The following COBLL1 variants were observed in gnomAD, a reference collection of about 807,000 sequenced individuals.
COBLL1 encodes the protein cordon-bleu protein-like 1.
In COBLL1, 50 loss-of-function variants were observed where a neutral mutation model predicts 94.8. The observed-to-expected ratio is 0.53, with a 90% CI of 0.42 to 0.67. The LOEUF (loss-of-function observed/expected upper bound fraction) is 0.67, where lower values mean the gene tolerates loss of function less well. Ranked by LOEUF, COBLL1 falls within the 30% of genes least tolerant of loss-of-function variation. The probability of loss-of-function intolerance (pLI) is 0.00; values close to 1 mark genes in which losing one functional copy is unlikely to be tolerated. For synonymous variants in COBLL1, 448 were observed against 473.8 expected (o/e 0.95, Z 0.71); for missense variants, 1,362 against 1,348.7 (o/e 1.01, Z -0.15).
At chr2:164,737,232 C>T (rs564287906) in intron 3 of COBLL1, among the ~76,000 whole-genome samples, 79 of 151,760 alleles carry the variant, frequency 5.2e-4, no homozygotes, top group Admixed American at 1.5e-3. Context: ...AAGGTGTAGA[C>T]GCCAGGAAAG....
At chr2:164,832,222 T>G (rs773341899) in intron 2 of COBLL1, among the ~76,000 whole-genome samples, 108 of 152,338 alleles carry the variant, frequency 7.1e-4, no homozygotes, top group Non-Finnish European at 5.0e-4. Flanking sequence ...TTTGAGCATC[T>G]TAACTCTACT....
At chr2:164,675,562 T>TA (rs888137135), downstream of COBLL1, among the ~76,000 whole-genome samples, 4 of 152,118 alleles carry the variant, frequency 2.6e-5, no homozygotes, top group African/African-American at 9.7e-5. Flanking sequence ...AGATTTTTCT[T>TA]AAAAAATAAA....
intron 2 of COBLL1, among the ~76,000 whole-genome samples, chr2:164,782,407 T>C (rs1439572101): frequency 2.0e-5 from 3 of 152,186 alleles, no homozygotes; most frequent in Admixed American, 6.5e-5. Context: ...CATTATTTTA[T>C]ATCAACTGAG....
intron 1 of COBLL1, among the ~76,000 whole-genome samples, chr2:164,669,260 A>G (rs1691210953): frequency 6.6e-6 from 1 of 152,108 alleles, no homozygotes; most frequent in South Asian, 2.1e-4. Context: ...ATGAAATATT[A>G]TGCGGGAATA....
At chr2:164,705,657 C>A (rs1684550250) in intron 7 of COBLL1, among the ~76,000 whole-genome samples, 1 of 152,130 alleles carries the variant, frequency 6.6e-6, no homozygotes, top group Non-Finnish European at 1.5e-5. Flanking sequence ...TGCCTCCTGA[C>A]CAAATGCCAT....
intron 7 of COBLL1, among the ~76,000 whole-genome samples, chr2:164,716,789 A>T (rs1350066419): frequency 6.6e-6 from 1 of 152,196 alleles, no homozygotes; most frequent in Non-Finnish European, 1.5e-5. Flanking sequence ...AGCTCTAAAA[A>T]AACACCATCC....
In COBLL1 at chr2:164,729,003, C is replaced by T. The variant is rs537433478; in HGVS notation, c.433-806G>A. Among the ~76,000 whole-genome samples, 11 of 151,852 alleles carry T rather than the reference C, an allele frequency of 7.2e-5. No individual in the cohort carries two copies. The South Asian group carries it at 2.1e-3, about 29-fold the overall frequency. On this transcript the variant is annotated intron_variant, in intron 4 of 13. Transcript: ENST00000652658. ...AACTAAGACCCTTTGTATAATCCCA[C>T]GCTATAGCATAAATATAACTATTTC...
intron 2 of COBLL1, among the ~76,000 whole-genome samples, chr2:164,818,769 C>CATATATATATATATATAT (rs752386836): frequency 1.5e-3 from 210 of 139,446 alleles, no homozygotes; most frequent in African/African-American, 5.2e-3. Flanking sequence ...CTTATGTAAA[C>CATATATATATATATATAT]ATATATATAT....
chr2:164,665,827 TA>T (rs775126347), intron 2 of COBLL1: 5 of 152,112 alleles, frequency 3.3e-5, no homozygotes, highest in Non-Finnish European at 7.4e-5. Flanking sequence ...ACCAAACACA[TA>T]AAAAACTGCA....
At chr2:164,836,591 C>A (rs986474997) in intron 2 of COBLL1, among the ~76,000 whole-genome samples, 8 of 152,164 alleles carry the variant, frequency 5.3e-5, no homozygotes, top group African/African-American at 1.9e-4. Context: ...TCCTCAGTTT[C>A]ATTCATTGTA....
At chr2:164,840,630 C>G (rs1683547154) in intron 2 of COBLL1, 1 of 152,710 alleles carries the variant, frequency 6.5e-6, no homozygotes, top group South Asian at 2.1e-4. Context: ...ACACACACCC[C>G]CAATCAGAGG....
intron 7 of COBLL1, among the ~76,000 whole-genome samples, chr2:164,707,012 T>C (rs1204383610): frequency 1.3e-5 from 2 of 152,190 alleles, no homozygotes; most frequent in African/African-American, 2.4e-5. Flanking sequence ...CACACTGGCC[T>C]CTTTGCTGCT....
chr2:164,739,669 G>A (rs562839131), intron 3 of COBLL1, among the ~76,000 whole-genome samples: 1 of 152,240 alleles, frequency 6.6e-6, no homozygotes, highest in Non-Finnish European at 1.5e-5. Flanking sequence ...ATTTATCTAA[G>A]AAACTCTCAC....
At chr2:164,802,654 T>C (rs536572650) in intron 2 of COBLL1, among the ~76,000 whole-genome samples, 4 of 152,338 alleles carry the variant, frequency 2.6e-5, no homozygotes, top group South Asian at 2.1e-4. Context: ...GTTTTAGATA[T>C]AGAAAATCTG....
chr2:164,792,444 C>T (rs946341098), intron 2 of COBLL1, among the ~76,000 whole-genome samples: 3 of 152,076 alleles, frequency 2.0e-5, no homozygotes, highest in African/African-American at 7.2e-5. Context: ...GCTCTTGGCT[C>T]TCCTTGGGGT....
intron 1 of COBLL1, among the ~76,000 whole-genome samples, chr2:164,675,036 C>T (rs747751694): frequency 2.6e-4 from 40 of 152,054 alleles, no homozygotes; most frequent in Non-Finnish European, 4.6e-4. Flanking sequence ...TTCAAGAAAA[C>T]AATCTTAATT....
In COBLL1 at chr2:164,695,441, C is replaced by G. The variant is rs761539089; in HGVS notation, c.1951G>C (p.Val651Leu). ...CTCCTGAATTCCCTTGAGGTATTTA[C>G]AGAATCTTGTGAACTTAAGCATGAG... Reference protein sequence around the residue: ...QHSCLSSQDSVNTSREFRSQG... With the variant: ...QHSCLSSQDSLNTSREFRSQG... The change falls in exon 12 of 14, where the codon GTA becomes CTA. Residue 651 changes from valine (V) to leucine (L), a missense_variant. Physicochemically the swap from Val to Leu is conservative, Grantham distance 32. Coordinates refer to ENST00000652658, the MANE Select transcript of COBLL1 (RefSeq NM_001365672.2). 41 of 1,613,786 alleles carry G rather than the reference C, an allele frequency of 2.5e-5. No individual in the cohort carries two copies. Among genetic ancestry groups the G allele is most frequent in the Non-Finnish European group, 3.3e-5 (39 of 1,179,924 alleles).
At chr2:164,713,501 C>A (rs1029888950) in intron 7 of COBLL1, among the ~76,000 whole-genome samples, 3 of 152,038 alleles carry the variant, frequency 2.0e-5, no homozygotes, top group Non-Finnish European at 2.9e-5. Flanking sequence ...TAAATACCAC[C>A]ACCAACAGTA....
chr2:164,762,995 C>T (rs1470921976), intron 2 of COBLL1, among the ~76,000 whole-genome samples: 2 of 151,984 alleles, frequency 1.3e-5, no homozygotes, highest in Non-Finnish European at 2.9e-5. Context: ...TGCGCCTGCC[C>T]GCCTATCATC....
Sources: allele counts gnomAD v4.1 joint callset (sites outside exome capture counted in the v4.1 genomes callset), GRCh38; gene constraint gnomAD v4.1.1; transcripts MANE v1.5; gene names NCBI Gene and HGNC (gene_info 2026-07-23, HGNC 2026-07-21).